NRXN3: variants seen among roughly 807,000 people sequenced by gnomAD.
NRXN3 encodes neurexin 3, also known as neurexin III.
Under a neutral mutation model 137.6 loss-of-function variants are expected in NRXN3, and 32 were observed. That is an observed-to-expected ratio of 0.23 (90% CI 0.18 to 0.31). NRXN3 has a LOEUF of 0.31. Among genes scored for constraint, NRXN3 ranks in the 10% least tolerant of loss-of-function variants. The probability of loss-of-function intolerance (pLI) is 1.00; values close to 1 mark genes in which losing one functional copy is unlikely to be tolerated. For missense variants in NRXN3, 1,574 were observed against 2,062.5 expected, an observed-to-expected ratio of 0.76 and a Z score of 4.59; for synonymous variants, 798 against 784.5, an observed-to-expected ratio of 1.02 and a Z score of -0.29.
chr14:79,315,241 T>A (rs1486151629), intron 15 of NRXN3, among the ~76,000 whole-genome samples: 1 of 152,216 alleles, frequency 6.6e-6, no homozygotes, highest in African/African-American at 2.4e-5. Flanking sequence ...AGTGAAAGCT[T>A]ACAAGTCTTC....
intron 15 of NRXN3, among the ~76,000 whole-genome samples, chr14:79,009,517 T>C (rs2099567082): frequency 6.6e-6 from 1 of 152,130 alleles, no homozygotes; most frequent in Non-Finnish European, 1.5e-5. Flanking sequence ...AGCCCTCCTT[T>C]TCCTCAAGTC....
rs188443408 is a variant in NRXN3, at chr14:78,948,958, A to G, written c.2276-8284A>G. 5.3e-5 allele frequency among the ~76,000 whole-genome samples: 8 copies of G among 152,232 alleles called. 1 individual carries two copies. In the East Asian group the frequency reaches 1.4e-3, roughly 26 times the overall value. On this transcript the variant is annotated intron_variant, in intron 10 of 20. Coordinates refer to ENST00000335750, the MANE Select transcript of NRXN3 (RefSeq NM_001330195.2). ...GCTGTATGACCTTGACAGGTCACAG[A>G]GCTTTGCTCTGTCTCTTGATTCCTA...
intron 17 of NRXN3, among the ~76,000 whole-genome samples, chr14:79,681,533 A>T (rs923787614): frequency 6.6e-6 from 1 of 151,998 alleles, no homozygotes; most frequent in Non-Finnish European, 1.5e-5. Flanking sequence ...TCACATGGCA[A>T]TCTCAGGTGT....
At chr14:79,061,372 G>A (rs1018042704) in intron 15 of NRXN3, among the ~76,000 whole-genome samples, 1 of 152,188 alleles carries the variant, frequency 6.6e-6, no homozygotes, top group Admixed American at 6.5e-5. Context: ...GGAAGAGATC[G>A]TCTGAGAGTT....
At chr14:79,475,304 A>G (rs1393055856) in intron 16 of NRXN3, among the ~76,000 whole-genome samples, 13 of 152,182 alleles carry the variant, frequency 8.5e-5, no homozygotes, top group Non-Finnish European at 1.8e-4. Context: ...AATTATGAGA[A>G]GGAAAGGCCA....
At chr14:79,174,797 G>A (rs2062143517) in intron 15 of NRXN3, among the ~76,000 whole-genome samples, 1 of 151,860 alleles carries the variant, frequency 6.6e-6, no homozygotes, top group African/African-American at 2.4e-5. Context: ...TTTCCACAAT[G>A]TATTGTTAAG....
At chr14:78,939,132 A>T (rs2099348165) in intron 10 of NRXN3, among the ~76,000 whole-genome samples, 1 of 152,020 alleles carries the variant, frequency 6.6e-6, no homozygotes, top group Non-Finnish European at 1.5e-5. Flanking sequence ...GGCGTGAGCC[A>T]CCGCGCCCGG....
At chr14:79,139,424 A>T (rs8014381) in intron 15 of NRXN3, among the ~76,000 whole-genome samples, 149,708 of 152,244 alleles carry the variant, frequency 0.98, 73,656 homozygotes, top group Middle Eastern at 1. Context: ...CAGTCCTAGT[A>T]AATAACACCA....
At chr14:78,714,111 G>T (rs1027005944) in intron 7 of NRXN3, among the ~76,000 whole-genome samples, 11 of 152,192 alleles carry the variant, frequency 7.2e-5, no homozygotes, top group African/African-American at 2.7e-4. Context: ...GTTAAAATGT[G>T]TCACAGGGAA....
chr14:79,776,439 G>A (rs967806258), intron 19 of NRXN3, among the ~76,000 whole-genome samples: 5 of 152,148 alleles, frequency 3.3e-5, no homozygotes, highest in Admixed American at 1.3e-4. Context: ...CTGTGATCAC[G>A]TGGCAGTCAA....
At chr14:79,372,080 C>T (rs1346835511) in intron 15 of NRXN3, among the ~76,000 whole-genome samples, 4 of 151,980 alleles carry the variant, frequency 2.6e-5, no homozygotes, top group Non-Finnish European at 5.9e-5. Context: ...TTTATATCCA[C>T]ACATGTACAT....
At chr14:79,165,405 T>G (rs1381820525) in intron 15 of NRXN3, among the ~76,000 whole-genome samples, 1 of 151,974 alleles carries the variant, frequency 6.6e-6, no homozygotes. Flanking sequence ...TGTGGCACAA[T>G]GCATTCACCT....
chr14:79,767,391 AT>A (rs993666380), intron 19 of NRXN3, among the ~76,000 whole-genome samples: 4 of 151,942 alleles, frequency 2.6e-5, no homozygotes, highest in East Asian at 1.9e-4. Context: ...CACTCACGTT[AT>A]TTTTTTACTC....
At chr14:78,638,523 G>A (rs2097585580) in intron 4 of NRXN3, among the ~76,000 whole-genome samples, 1 of 152,100 alleles carries the variant, frequency 6.6e-6, no homozygotes, top group African/African-American at 2.4e-5. Context: ...CAATCATTCT[G>A]TTCCTCCCTA....
intron 15 of NRXN3, among the ~76,000 whole-genome samples, chr14:79,247,616 A>G (rs1366423665): frequency 1.3e-5 from 2 of 152,154 alleles, no homozygotes; most frequent in Non-Finnish European, 2.9e-5. Context: ...TACCTTTCCC[A>G]ATCTTATTTT....
chr14:79,698,386 A>G (rs2098742817), intron 19 of NRXN3, among the ~76,000 whole-genome samples: 1 of 152,030 alleles, frequency 6.6e-6, no homozygotes, highest in African/African-American at 2.4e-5. Context: ...AATGGGTACC[A>G]TTAAATCAAG....
At position 78,636,829 on chromosome 14, in the gene NRXN3, A is replaced by G. The variant is rs370597472; in HGVS notation, c.758-8291A>G. Among the ~76,000 whole-genome samples the G allele has an allele frequency of 6.0e-5, 9 of 148,866 alleles. No individual in the cohort carries two copies. In the South Asian group the frequency reaches 1.9e-3, roughly 31 times the overall value. On this transcript the variant is annotated intron_variant, in intron 4 of 20. Coordinates refer to ENST00000335750, the MANE Select transcript of NRXN3 (RefSeq NM_001330195.2). ...GCCCAGGTTGTGTATTTCTTTTTTTATTTTTTATTTTTTTAGCAATATCCG... is the reference window on the plus strand; with the variant it reads ...GCCCAGGTTGTGTATTTCTTTTTTTGTTTTTTATTTTTTTAGCAATATCCG...
At chr14:78,469,559 G>A (rs1277796097) in intron 4 of NRXN3, among the ~76,000 whole-genome samples, 1 of 152,166 alleles carries the variant, frequency 6.6e-6, no homozygotes. Flanking sequence ...GGTGCCAACT[G>A]GGGCATGGGG....
intron 15 of NRXN3, among the ~76,000 whole-genome samples, chr14:79,097,598 G>A (rs766145274): frequency 3.3e-5 from 5 of 152,196 alleles, no homozygotes; most frequent in Non-Finnish European, 7.3e-5. Flanking sequence ...TGAACCGATA[G>A]CATTCCATGG....
Sources: gnomAD v4.1 joint callset for allele counts (sites outside exome capture counted in the v4.1 genomes callset) on GRCh38, gnomAD v4.1.1 for gene constraint, MANE v1.5 for transcripts, NCBI Gene and HGNC (gene_info 2026-07-23, HGNC 2026-07-21) for gene names.